Variants in RPGRIP1 observed in about 807,000 individuals in gnomAD.
RPGRIP1 encodes X-linked retinitis pigmentosa GTPase regulator-interacting protein 1.
In RPGRIP1, 128 loss-of-function variants were observed where a neutral mutation model predicts 157.9. The ratio of observed to expected loss-of-function variants is 0.81; its 90% confidence interval spans 0.70 to 0.94. RPGRIP1 has a LOEUF of 0.94. Among genes scored for constraint, RPGRIP1 ranks in the 40% least tolerant of loss-of-function variants. RPGRIP1 has a pLI of 0.00. For synonymous variants in RPGRIP1, 554 were observed against 571.6 expected (o/e 0.97, Z 0.44); for missense variants, 1,486 against 1,545.8 (o/e 0.96, Z 0.65).
chr14:21,298,244 G>A (rs1008754446), intron 3 of RPGRIP1, among the ~76,000 whole-genome samples: 92 of 151,894 alleles, frequency 6.1e-4, no homozygotes, highest in African/African-American at 2.1e-3. Context: ...CATGCCTGTA[G>A]TTCCAACACT....
At chr14:21,315,134 T>C (rs930165426) in intron 10 of RPGRIP1, among the ~76,000 whole-genome samples, 2 of 151,496 alleles carry the variant, frequency 1.3e-5, no homozygotes, top group Non-Finnish European at 2.9e-5. Context: ...CATTGAGCCA[T>C]GTGCAGTGCA....
At chr14:21,346,983 A>G (rs1317896204) in intron 23 of RPGRIP1, among the ~76,000 whole-genome samples, 1 of 152,278 alleles carries the variant, frequency 6.6e-6, no homozygotes. Context: ...GCTTAAACAG[A>G]TGTAAGCTTA....
At chr14:21,312,169 C>G (rs1235326684) in intron 9 of RPGRIP1, among the ~76,000 whole-genome samples, 199 bp downstream of exon 9, 2 of 152,178 alleles carry the variant, frequency 1.3e-5, no homozygotes, top group Non-Finnish European at 2.9e-5. Flanking sequence ...AAAGTCCTTG[C>G]TCTTTCATAA....
At chr14:21,305,319 C>T (rs910562397) in intron 6 of RPGRIP1, among the ~76,000 whole-genome samples, 14 of 152,190 alleles carry the variant, frequency 9.2e-5, no homozygotes, top group African/African-American at 3.1e-4. Flanking sequence ...GTGGCCTTTT[C>T]AAATTGGCTT....
intron 1 of RPGRIP1, among the ~76,000 whole-genome samples, chr14:21,286,250 C>A (rs542974542): frequency 2.0e-5 from 3 of 152,062 alleles, no homozygotes; most frequent in African/African-American, 7.3e-5. Context: ...CTCAACCTCC[C>A]AAAGTGCCGG....
chr14:21,312,430 T>G lies in RPGRIP1; in HGVS notation c.1078-3T>G. 6.3e-7 allele frequency: 1 copy of G among 1,598,152 alleles called. No homozygotes were observed. Among genetic ancestry groups the G allele is most frequent in the Non-Finnish European group, 8.6e-7 (1 of 1,167,156 alleles). On this transcript the variant is annotated splice_region_variant and splice_polypyrimidine_tract_variant and intron_variant, in intron 9 of 24. Transcript: ENST00000400017. ...TTATCTCAAGGGCTACTATCACTCT[T>G]AGTTTCAGGAGAGAGTTGAAGATTT...
chr14:21,349,363 C>T (rs1343115896), intron 24 of RPGRIP1, among the ~76,000 whole-genome samples: 1 of 149,854 alleles, frequency 6.7e-6, no homozygotes, highest in Non-Finnish European at 1.5e-5. Context: ...AACCACTGCG[C>T]CCGGCCTCCT....
At chr14:21,347,268 TG>T (rs1296620628) in intron 23 of RPGRIP1, among the ~76,000 whole-genome samples, 2 of 152,278 alleles carry the variant, frequency 1.3e-5, no homozygotes. Context: ...TTGATCTTTT[TG>T]ATATTACTTA....
Position 21,330,385 on chromosome 14 carries a change from A to G in RPGRIP1, c.3236A>G (p.Asn1079Ser). ...LKQKEPLHPVNDKESSEQGSE... is the reference protein window; with the variant it reads ...LKQKEPLHPVSDKESSEQGSE... ...CAGAAGGAACCTCTACATCCTGTAA[A>G]TGGTATTGTCTTTTAAAATCTATTT... Residue 1079 changes from asparagine (N) to serine (S), a missense_variant and splice_region_variant, in exon 20 of 25, where the codon AAT (asparagine) becomes AGT (serine). Transcript: ENST00000400017. 27 of 1,511,440 alleles carry G rather than the reference A, an allele frequency of 1.8e-5. No individual in the cohort carries two copies. Among genetic ancestry groups the G allele is most frequent in the Non-Finnish European group, 2.3e-5 (26 of 1,136,836 alleles). 93.6% of individuals were successfully genotyped at this position (1,511,440 alleles called of 1,614,324 possible).
At chr14:21,286,489 G>T (rs1394295476) in intron 1 of RPGRIP1, among the ~76,000 whole-genome samples, 1 of 149,566 alleles carries the variant, frequency 6.7e-6, no homozygotes, top group East Asian at 1.9e-4. Context: ...CATGCCAAGA[G>T]AAATGTTTAA....
chr14:21,288,180 C>CTT (rs35862339), intron 2 of RPGRIP1, 119 bp downstream of exon 2: 7,483 of 486,498 alleles, frequency 0.015, 2 homozygotes, highest in South Asian at 0.022. Context: ...AGTCTTCTCA[C>CTT]TTTTTTTTTT....
chr14:21,336,399 T>G (rs61977488), intron 21 of RPGRIP1, among the ~76,000 whole-genome samples: 27,212 of 152,070 alleles, frequency 0.18, 3,047 homozygotes, highest in African/African-American at 0.31. Context: ...GCTAGGCGTG[T>G]TGGCTCACAT....
At chr14:21,350,654 T>C (rs939881548) in intron 24 of RPGRIP1, among the ~76,000 whole-genome samples, 2 of 152,186 alleles carry the variant, frequency 1.3e-5, no homozygotes, top group South Asian at 2.1e-4. Flanking sequence ...TCTATCTTAC[T>C]GAGTTGTGAA....
At chr14:21,329,504 CTTTT>C (rs1400332697) in intron 19 of RPGRIP1, among the ~76,000 whole-genome samples, 1 of 137,576 alleles carries the variant, frequency 7.3e-6, no homozygotes, top group African/African-American at 2.6e-5. Context: ...CAAGTACTCA[CTTTT>C]TTTTTTTTTT....
intron 18 of RPGRIP1, among the ~76,000 whole-genome samples, chr14:21,328,027 G>A (rs2139247886): frequency 6.6e-6 from 1 of 152,300 alleles, no homozygotes; most frequent in East Asian, 1.9e-4. Flanking sequence ...AAAATTAGCT[G>A]GGCGTGGTGG....
At chr14:21,285,587 A>G (rs1880270809) in intron 1 of RPGRIP1, among the ~76,000 whole-genome samples, 1 of 147,094 alleles carries the variant, frequency 6.8e-6, no homozygotes, top group Non-Finnish European at 1.5e-5. Context: ...CCTGGGTGAC[A>G]GAGTGAGACT....
chr14:21,348,792 C>T (rs1401267058), intron 24 of RPGRIP1, among the ~76,000 whole-genome samples: 3 of 150,930 alleles, frequency 2.0e-5, no homozygotes, highest in African/African-American at 7.3e-5. Flanking sequence ...CAGCTTCCTG[C>T]CTCAGCTTCC....
At position 21,324,843 on chromosome 14, in the gene RPGRIP1, C is replaced by T. The variant is rs1177534305; in HGVS notation, c.1988C>T (p.Thr663Ile). Residue 663 changes from threonine to isoleucine, a missense_variant, in exon 15 of 25, where the codon ACC becomes ATC. Coordinates refer to ENST00000400017, the MANE Select transcript of RPGRIP1 (RefSeq NM_020366.4). ...FCTYSFYDFE[T>I]HCTPLSVGPQ... The stretch of plus-strand genomic sequence containing the variant: ...ACCTATTCCTTCTATGACTTTGAAA[C>T]CCACTGTACCCCATTATCTGTGGGG... 1.2e-6 allele frequency: 2 copies of T among 1,614,032 alleles called. No homozygotes were observed. The highest frequency in any genetic ancestry group is 1.7e-5 in the Admixed American group (1 of 60,020).
At chr14:21,324,515 T>G in intron 14 of RPGRIP1, 103 bp from the exon 15 acceptor site, 1 of 958,492 alleles carries the variant, frequency 1.0e-6, no homozygotes, top group Non-Finnish European at 1.6e-6. Flanking sequence ...AATCACAACT[T>G]GGACTTCCAC....
Sources: allele counts gnomAD v4.1 joint callset (sites outside exome capture counted in the v4.1 genomes callset), GRCh38; gene constraint gnomAD v4.1.1; transcripts MANE v1.5; gene names NCBI Gene and HGNC (gene_info 2026-07-23, HGNC 2026-07-21).